CDH4: variants seen among roughly 807,000 people sequenced by gnomAD.
CDH4 encodes the protein cadherin-4.
CDH4 carries 33 observed loss-of-function variants against 86.0 expected under a neutral mutation model. The ratio of observed to expected loss-of-function variants is 0.38; its 90% CI spans 0.29 to 0.51. The LOEUF (loss-of-function observed/expected upper bound fraction) is 0.51. Ranked by LOEUF, CDH4 falls within the 20% of genes least tolerant of loss-of-function variation. The pLI, the probability that CDH4 is intolerant of heterozygous loss-of-function variation, is 0.86. For missense variants in CDH4, 1,114 were observed against 1,307.4 expected (o/e 0.85, Z 2.28); for synonymous variants, 555 against 549.4 (o/e 1.01, Z -0.14).
intron 2 of CDH4, among the ~76,000 whole-genome samples, chr20:61,396,966 A>T (rs574787789): frequency 1.3e-5 from 2 of 152,178 alleles, no homozygotes; most frequent in African/African-American, 2.4e-5. Flanking sequence ...GCTGGAGTGC[A>T]GTGACATAAT....
At chr20:61,808,436 G>A (rs748549705) in intron 4 of CDH4, among the ~76,000 whole-genome samples, 2 of 152,174 alleles carry the variant, frequency 1.3e-5, no homozygotes, top group African/African-American at 2.4e-5. Context: ...GCAGTCGGTG[G>A]GGAAAGCCTC....
At chr20:61,713,417 C>T (rs553520370) in intron 2 of CDH4, among the ~76,000 whole-genome samples, 1 of 152,326 alleles carries the variant, frequency 6.6e-6, no homozygotes, top group African/African-American at 2.4e-5. Flanking sequence ...GTACTCTAAG[C>T]GTGGAACTTT....
intron 4 of CDH4, among the ~76,000 whole-genome samples, chr20:61,823,478 T>C (rs1050605935): frequency 1.3e-5 from 2 of 152,018 alleles, no homozygotes; most frequent in African/African-American, 4.8e-5. Context: ...GCACTTCCTA[T>C]GAGTCATCTG....
At chr20:61,755,429 TCA>T (rs1241915462) in intron 3 of CDH4, among the ~76,000 whole-genome samples, 2 of 101,904 alleles carry the variant, frequency 2.0e-5, no homozygotes, top group Non-Finnish European at 4.0e-5. Flanking sequence ...ACAGTGCACG[TCA>T]CACACCACAC....
chr20:61,528,923 G>A (rs2085933029), intron 2 of CDH4, among the ~76,000 whole-genome samples: 1 of 151,372 alleles, frequency 6.6e-6, no homozygotes, highest in South Asian at 2.1e-4. Context: ...GTCCATAGAT[G>A]ACATTCACTG....
At chr20:61,315,910 C>T (rs1366361789) in intron 2 of CDH4, among the ~76,000 whole-genome samples, 2 of 152,110 alleles carry the variant, frequency 1.3e-5, no homozygotes, top group East Asian at 1.9e-4. Flanking sequence ...TGGGGTCCCA[C>T]CATGTTGCCC....
chr20:61,665,375 C>A (rs923221004), intron 2 of CDH4, among the ~76,000 whole-genome samples: 7 of 152,228 alleles, frequency 4.6e-5, no homozygotes, highest in African/African-American at 1.7e-4. Context: ...ACAATTTGAC[C>A]TTTCATCAGT....
intron 4 of CDH4, among the ~76,000 whole-genome samples, 153 bp downstream of exon 4, chr20:61,773,335 C>T (rs2088800667): frequency 6.6e-6 from 1 of 152,234 alleles, no homozygotes; most frequent in Non-Finnish European, 1.5e-5. Context: ...TTACACAGCG[C>T]GATGAAAAAT....
At chr20:61,718,782 C>CT (rs1478384898) in intron 2 of CDH4, 2 of 470,996 alleles carry the variant, frequency 4.2e-6, no homozygotes, top group Admixed American at 4.7e-5. Context: ...CACACACACA[C>CT]TCTCACCAGC....
intron 2 of CDH4, among the ~76,000 whole-genome samples, chr20:61,345,014 A>C (rs1424946268): frequency 6.6e-6 from 1 of 152,242 alleles, no homozygotes; most frequent in Non-Finnish European, 1.5e-5. Context: ...GTAAAAGGTC[A>C]AGTCCAAGGT....
At chr20:61,465,960 C>T (rs373020671) in intron 2 of CDH4, among the ~76,000 whole-genome samples, 88 of 151,234 alleles carry the variant, frequency 5.8e-4, no homozygotes, top group African/African-American at 1.9e-3. Context: ...GCCACGGGTT[C>T]ACAAATCAAG....
intron 2 of CDH4, among the ~76,000 whole-genome samples, chr20:61,494,897 G>T (rs565371995): frequency 6.6e-6 from 1 of 152,372 alleles, no homozygotes; most frequent in Admixed American, 6.5e-5. Flanking sequence ...GCAAATGACT[G>T]AGCTGACATT....
Position 61,936,719 on chromosome 20 carries a change from T to G in CDH4, c.2545-18T>G, listed in dbSNP as rs765284346. On this transcript the variant is annotated intron_variant, in intron 15 of 15. Transcript: ENST00000614565. ...GACAACGCGTCCTGCACCCTAACTC[T>G]GTGTCTGTGACCCCCAGGGACTCCG... 12 of 1,515,314 alleles carry G rather than the reference T, an allele frequency of 7.9e-6. No homozygotes were observed. In the East Asian group the frequency reaches 2.5e-4, roughly 31 times the overall value. 93.9% of individuals were successfully genotyped at this position (1,515,314 alleles called of 1,614,324 possible).
At chr20:61,405,139 G>A (rs2085074223) in intron 2 of CDH4, among the ~76,000 whole-genome samples, 1 of 152,058 alleles carries the variant, frequency 6.6e-6, no homozygotes, top group Non-Finnish European at 1.5e-5. Flanking sequence ...GGGTCCCAGG[G>A]AGTGGATGTG....
chr20:61,481,267 C>T (rs896226710), intron 2 of CDH4, among the ~76,000 whole-genome samples: 5 of 152,172 alleles, frequency 3.3e-5, no homozygotes, highest in African/African-American at 7.2e-5. Flanking sequence ...AGGCCAGGGA[C>T]GCTGGTGAAC....
At chr20:61,621,706 A>G (rs1453908913) in intron 2 of CDH4, among the ~76,000 whole-genome samples, 1 of 152,226 alleles carries the variant, frequency 6.6e-6, no homozygotes, top group Non-Finnish European at 1.5e-5. Flanking sequence ...TTATAGTTCA[A>G]GGTCTTTTTT....
chr20:61,401,964 C>T (rs750507142), intron 2 of CDH4, among the ~76,000 whole-genome samples: 2 of 152,218 alleles, frequency 1.3e-5, no homozygotes, highest in South Asian at 4.1e-4. Context: ...ACTTCTATAA[C>T]CATCTTGTTC....
intron 2 of CDH4, among the ~76,000 whole-genome samples, chr20:61,402,979 A>G (rs1293446729): frequency 1.3e-5 from 2 of 152,226 alleles, no homozygotes; most frequent in Admixed American, 6.5e-5. Context: ...GCTCCCTTAC[A>G]GCGAAGCATC....
chr20:61,798,188 G>A (rs968097865), intron 4 of CDH4, among the ~76,000 whole-genome samples: 6 of 95,810 alleles, frequency 6.3e-5, no homozygotes, highest in African/African-American at 8.9e-5. Context: ...CGCCCCGCCC[G>A]GCCCTGCCCC....
Sources: gnomAD v4.1 joint callset for allele counts (sites outside exome capture counted in the v4.1 genomes callset) on GRCh38, gnomAD v4.1.1 for gene constraint, MANE v1.5 for transcripts, NCBI Gene and HGNC (gene_info 2026-07-23, HGNC 2026-07-21) for gene names.